Variants in SCN11A observed in about 807,000 individuals in gnomAD.
The protein encoded by SCN11A is sodium channel protein type 11 subunit alpha.
In SCN11A, 122 loss-of-function variants were observed where a neutral mutation model predicts 162.2. The ratio of observed to expected loss-of-function variants is 0.75; its 90% CI spans 0.65 to 0.87. SCN11A has a LOEUF of 0.87. SCN11A is among the 40% of genes least tolerant of loss of function. SCN11A has a pLI of 0.00. For synonymous variants in SCN11A, 758 were observed against 751.5 expected, an observed-to-expected ratio of 1.01 and a Z score of -0.14; for missense variants, 2,015 against 2,181.6, an observed-to-expected ratio of 0.92 and a Z score of 1.52.
At chr3:38,863,408 T>G in intron 27 of SCN11A, 109 bp from the exon 28 acceptor site, 1 of 624,564 alleles carries the variant, frequency 1.6e-6, no homozygotes, top group South Asian at 2.1e-5. Flanking sequence ...TTAACAATTC[T>G]TAAAATTTCA....
chr3:38,894,373 A>C (rs2065549797), intron 19 of SCN11A, among the ~76,000 whole-genome samples, 160 bp downstream of exon 19: 6 of 152,124 alleles, frequency 3.9e-5, no homozygotes, highest in Admixed American at 3.9e-4. Flanking sequence ...CAGGACCACA[A>C]TAAAGAACCT....
chr3:38,964,256 T>C (rs185675004), intron 2 of SCN11A, among the ~76,000 whole-genome samples: 58 of 152,284 alleles, frequency 3.8e-4, no homozygotes, highest in African/African-American at 1.3e-3. Context: ...CAGTCTCAGT[T>C]CTGCCGTCTG....
At chr3:38,956,670 G>A (rs1225826827) in intron 3 of SCN11A, among the ~76,000 whole-genome samples, 1 of 152,084 alleles carries the variant, frequency 6.6e-6, no homozygotes, top group Non-Finnish European at 1.5e-5. Flanking sequence ...ACAAAATTAT[G>A]ATATAATTCA....
chr3:38,872,681 A>G (rs1437332272), intron 23 of SCN11A, among the ~76,000 whole-genome samples: 4 of 152,232 alleles, frequency 2.6e-5, no homozygotes, highest in Non-Finnish European at 5.9e-5. Context: ...AATTGAATCA[A>G]TGTTAAATTT....
At chr3:39,016,841 G>A (rs6785489) in intron 2 of SCN11A, among the ~76,000 whole-genome samples, 21,505 of 152,120 alleles carry the variant, frequency 0.14, 1,744 homozygotes, top group African/African-American at 0.22. Flanking sequence ...GACCTCAGGC[G>A]ATCCACCCAT....
chr3:38,922,357 A>T (rs1220389378), intron 9 of SCN11A, among the ~76,000 whole-genome samples: 2 of 152,230 alleles, frequency 1.3e-5, no homozygotes, highest in Non-Finnish European at 2.9e-5. Context: ...GGCAGATTTT[A>T]ATCTATAACA....
chr3:38,874,903 T>A lies in SCN11A; in HGVS notation c.3394-2609A>T, dbSNP rs1400725980. 2.0e-5 allele frequency among the ~76,000 whole-genome samples: 3 copies of A among 152,218 alleles called. No individual in the cohort carries two copies. In the East Asian group the frequency reaches 5.8e-4, roughly 29 times the overall value. ...TTTACTACATTTTGATGTAGTTGAA[T>A]TGTGTATCTTTTTGTGGTTTATGCT... On this transcript the variant is annotated intron_variant, in intron 23 of 29. Coordinates refer to ENST00000302328, the MANE Select transcript of SCN11A (RefSeq NM_001349253.2).
At chr3:38,888,125 C>T (rs2065433579) in intron 19 of SCN11A, among the ~76,000 whole-genome samples, 1 of 152,146 alleles carries the variant, frequency 6.6e-6, no homozygotes, top group Non-Finnish European at 1.5e-5. Context: ...AGTTTTTGCA[C>T]TTAAGAGAGA....
chr3:38,929,226 A>C (rs2066201056), intron 7 of SCN11A, among the ~76,000 whole-genome samples: 1 of 152,028 alleles, frequency 6.6e-6, no homozygotes, highest in Non-Finnish European at 1.5e-5. Flanking sequence ...GTTCAGAGTA[A>C]AATGTGGTAT....
intron 28 of SCN11A, among the ~76,000 whole-genome samples, chr3:38,854,580 C>T (rs570689540): frequency 1.3e-5 from 2 of 152,162 alleles, no homozygotes; most frequent in Non-Finnish European, 2.9e-5. Context: ...AGGAACGTAA[C>T]AGGAAAACCA....
intron 5 of SCN11A, among the ~76,000 whole-genome samples, chr3:38,949,393 G>C (rs2066566322): frequency 6.6e-6 from 1 of 152,228 alleles, no homozygotes; most frequent in Admixed American, 6.5e-5. Context: ...CATCCAGGCA[G>C]ATAAAATAGC....
chr3:39,041,559 G>C (rs2032049457), intron 1 of SCN11A, among the ~76,000 whole-genome samples: 1 of 152,144 alleles, frequency 6.6e-6, no homozygotes, highest in Admixed American at 6.5e-5. Context: ...TATATTCAAA[G>C]TGCTGTAAGA....
intron 29 of SCN11A, among the ~76,000 whole-genome samples, chr3:38,848,436 C>A (rs1431876277): frequency 6.6e-6 from 1 of 152,016 alleles, no homozygotes; most frequent in South Asian, 2.1e-4. Context: ...CCCCTAATGA[C>A]CTTGAGTGTC....
At position 38,847,180 on chromosome 3, in the gene SCN11A, C is replaced by T. The variant is rs144003590; in HGVS notation, c.4890G>A (p.Trp1630Ter). The T allele has an allele frequency of 1.2e-6, 2 of 1,614,010 alleles. No homozygotes were observed. The highest frequency in any genetic ancestry group is 2.7e-5 in the African/African-American group (2 of 74,926). ...EDDFDIFYEV[W>*]EKFDPEATQF... The stretch of plus-strand genomic sequence containing the variant: ...GTGTTGCTTCTGGGTCAAACTTTTC[C>T]CACACTTCATAAAATATGTCAAAGT... Residue 1630 changes from tryptophan to a stop codon, truncating the protein, a stop_gained, in exon 30 of 30, where the codon TGG becomes TGA. Transcript: ENST00000302328. LOFTEE classifies it low-confidence loss of function (END_TRUNC).
At chr3:38,904,355 G>A (rs944548478) in intron 15 of SCN11A, among the ~76,000 whole-genome samples, 2 of 152,186 alleles carry the variant, frequency 1.3e-5, no homozygotes, top group African/African-American at 2.4e-5. Context: ...GCATCCAGGA[G>A]CTGAGCTTTG....
chr3:38,894,781 A>G lies in SCN11A; in HGVS notation c.2587T>C (p.Leu863=). ...CCTGCCACCTCTTTTTGCTGTGGTA[A>G]GTTTTGCTTCCTGCACCACTTGTGA... The part of the protein sequence containing the change: ...FCHKWCRKQN[L]PQQKEVAGGC... The change falls in exon 19 of 30, where the codon TTA becomes CTA. Residue 863 remains leucine, a synonymous_variant. Coordinates refer to ENST00000302328, the MANE Select transcript of SCN11A (RefSeq NM_001349253.2). 2 of 1,614,158 alleles carry G rather than the reference A, an allele frequency of 1.2e-6. No individual in the cohort carries two copies. Among genetic ancestry groups the G allele is most frequent in the South Asian group, 2.2e-5 (2 of 91,084 alleles).
chr3:38,870,957 C>T (rs1206373288), intron 25 of SCN11A, among the ~76,000 whole-genome samples: 2 of 152,066 alleles, frequency 1.3e-5, no homozygotes, highest in African/African-American at 4.8e-5. Context: ...GTACAAGATA[C>T]AAAGTTTAAA....
At chr3:38,886,022 C>T in intron 20 of SCN11A, 103 bp downstream of exon 20, 2 of 731,674 alleles carry the variant, frequency 2.7e-6, no homozygotes, top group East Asian at 5.1e-5. Context: ...TCGATTCTTG[C>T]AATTTTCTCT....
At chr3:38,933,562 A>C (rs1472157754) in intron 7 of SCN11A, among the ~76,000 whole-genome samples, 1 of 152,242 alleles carries the variant, frequency 6.6e-6, no homozygotes, top group Non-Finnish European at 1.5e-5. Flanking sequence ...AAGGCTCGAG[A>C]ACTACGTGAA....
Sources: gnomAD v4.1 joint callset for allele counts (sites outside exome capture counted in the v4.1 genomes callset) on GRCh38, gnomAD v4.1.1 for gene constraint, MANE v1.5 for transcripts, NCBI Gene and HGNC (gene_info 2026-07-23, HGNC 2026-07-21) for gene names.